The following PDE4D variants were observed in gnomAD, a reference collection of about 807,000 sequenced individuals.
The protein encoded by PDE4D is 3',5'-cyclic-AMP phosphodiesterase 4D.
Under a neutral mutation model 87.4 loss-of-function variants are expected in PDE4D, and 24 were observed. The ratio of observed to expected loss-of-function variants is 0.27; its 90% CI spans 0.20 to 0.39. The LOEUF is 0.39. Among genes scored for constraint, PDE4D ranks in the 10% least tolerant of loss-of-function variants. The pLI is 1.00. For synonymous variants in PDE4D, 384 were observed against 383.2 expected, an observed-to-expected ratio of 1.00 and a Z score of -0.02; for missense variants, 714 against 1,041.0, an observed-to-expected ratio of 0.69 and a Z score of 4.32.
At chr5:59,632,600 C>T (rs190378966) in intron 1 of PDE4D, among the ~76,000 whole-genome samples, 1 of 152,184 alleles carries the variant, frequency 6.6e-6, no homozygotes, top group Non-Finnish European at 1.5e-5. Flanking sequence ...CCCAGGCAAA[C>T]AGGGTGTGGA....
chr5:60,017,272 G>A (rs1468133270), intron 2 of PDE4D, among the ~76,000 whole-genome samples: 1 of 152,192 alleles, frequency 6.6e-6, no homozygotes, highest in African/African-American at 2.4e-5. Context: ...AGCACAAAGA[G>A]AGTAGATTTA....
At chr5:60,147,382 G>A (rs898859670) in intron 2 of PDE4D, among the ~76,000 whole-genome samples, 1 of 152,086 alleles carries the variant, frequency 6.6e-6, no homozygotes, top group Non-Finnish European at 1.5e-5. Context: ...AATGGGCCAC[G>A]CTGCATTCAT....
chr5:59,602,439 G>A (rs530400829), intron 1 of PDE4D, among the ~76,000 whole-genome samples: 1 of 152,050 alleles, frequency 6.6e-6, no homozygotes, highest in Admixed American at 6.6e-5. Context: ...ACAAAAATCA[G>A]TAGTGTTGAT....
chr5:60,029,368 C>A (rs182089071), intron 2 of PDE4D, among the ~76,000 whole-genome samples: 1 of 152,332 alleles, frequency 6.6e-6, no homozygotes, highest in Admixed American at 6.5e-5. Flanking sequence ...TTTAAAAAGG[C>A]TAATCAGAAA....
rs145379983 is a variant in PDE4D, at chr5:60,395,883, G to A, written c.-90+92059C>T. ...TGAGCCCCCTAACCAATATCACACC[G>A]CTTAAGCCTGCCCATTACCACCACC... On this transcript the variant is annotated intron_variant, in intron 1 of 16. Transcript: ENST00000502484. 2.3e-3 allele frequency among the ~76,000 whole-genome samples: 343 copies of A among 151,892 alleles called. 2 individuals carry two copies. Among genetic ancestry groups the A allele is most frequent in the African/African-American group, 8.0e-3 (330 of 41,402 alleles).
intron 1 of PDE4D, among the ~76,000 whole-genome samples, chr5:59,530,870 G>A (rs1238371954): frequency 6.6e-6 from 1 of 152,172 alleles, no homozygotes; most frequent in Non-Finnish European, 1.5e-5. Context: ...CCCTTTGAAG[G>A]GGTATAAGCT....
chr5:59,145,105 G>C (rs942008498), intron 5 of PDE4D, among the ~76,000 whole-genome samples: 1 of 152,138 alleles, frequency 6.6e-6, no homozygotes, highest in South Asian at 2.1e-4. Context: ...AGGTGTATTT[G>C]TTGAATGCTT....
chr5:59,509,879 G>T (rs1809974969), intron 1 of PDE4D, among the ~76,000 whole-genome samples: 1 of 145,940 alleles, frequency 6.9e-6, no homozygotes, highest in East Asian at 2.0e-4. Flanking sequence ...TAAAATATAG[G>T]TTTATATTAT....
intron 1 of PDE4D, among the ~76,000 whole-genome samples, chr5:59,523,593 A>C (rs1043220027): frequency 6.6e-6 from 1 of 152,230 alleles, no homozygotes; most frequent in African/African-American, 2.4e-5. Context: ...GTAGAAAAAA[A>C]AGCTGCCCCT....
At chr5:59,388,603 A>G (rs1422301711) in intron 1 of PDE4D, among the ~76,000 whole-genome samples, 1 of 135,432 alleles carries the variant, frequency 7.4e-6, no homozygotes, top group Non-Finnish European at 1.6e-5. Flanking sequence ...TTCATCAACA[A>G]TGAATGGATA....
chr5:59,138,556 G>A (rs527387230), intron 5 of PDE4D, among the ~76,000 whole-genome samples: 1 of 152,286 alleles, frequency 6.6e-6, no homozygotes, highest in South Asian at 2.1e-4. Flanking sequence ...CATTGTCTAA[G>A]ACTTCCTACA....
At chr5:60,107,308 G>T (rs1777087583) in intron 2 of PDE4D, among the ~76,000 whole-genome samples, 1 of 151,976 alleles carries the variant, frequency 6.6e-6, no homozygotes, top group Non-Finnish European at 1.5e-5. Flanking sequence ...ACTAAACCGG[G>T]AAGAAGTTGA....
intron 2 of PDE4D, among the ~76,000 whole-genome samples, chr5:59,205,992 T>C (rs961458699): frequency 5.3e-5 from 8 of 152,158 alleles, no homozygotes; most frequent in Non-Finnish European, 1.2e-4. Context: ...TGCTCTGAAG[T>C]TCCCTGCGTC....
In PDE4D at chr5:59,251,782, C is replaced by A. The variant is rs115468659; in HGVS notation, c.456-35814G>T. Among the ~76,000 whole-genome samples the A allele has an allele frequency of 3.1e-3, 469 of 152,150 alleles. 1 individual carries two copies. The highest frequency in any genetic ancestry group is 5.0e-3 in the Non-Finnish European group (338 of 67,988). Reference sequence around the variant, plus strand: ...TAACGACATGGAATCAACCTAGATACCCATCAGTCACAGATTAGACAAAGA... The same window carrying A: ...TAACGACATGGAATCAACCTAGATAACCATCAGTCACAGATTAGACAAAGA... On this transcript the variant is annotated intron_variant, in intron 1 of 14. Coordinates refer to ENST00000340635, the MANE Select transcript of PDE4D (RefSeq NM_001104631.2).
At position 59,250,450 on chromosome 5, in the gene PDE4D, G is replaced by T. The variant is rs72644097; in HGVS notation, c.456-34482C>A. 0.03 allele frequency among the ~76,000 whole-genome samples: 4,476 copies of T among 149,528 alleles called. 746 individuals carry two copies. The East Asian group carries it at 0.5, about 17-fold the overall frequency. ...CAAAGCTGCAATGAGCTGTGATTGA[G>T]CTACTGCACTCCAGCTTGGGTAACA... On this transcript the variant is annotated intron_variant, in intron 1 of 14. Coordinates refer to ENST00000340635, the MANE Select transcript of PDE4D (RefSeq NM_001104631.2).
chr5:60,337,376 T>TACACACAC (rs1561133934), intron 1 of PDE4D, among the ~76,000 whole-genome samples: 2 of 118,802 alleles, frequency 1.7e-5, no homozygotes, highest in African/African-American at 7.0e-5. Flanking sequence ...TATATATATA[T>TACACACAC]ATATATATAT....
At chr5:59,031,592 C>CA in intron 6 of PDE4D, among the ~76,000 whole-genome samples, 1 of 147,432 alleles carries the variant, frequency 6.8e-6, no homozygotes, top group East Asian at 2.0e-4. Flanking sequence ...CCTGTAGTCC[C>CA]AGCTACTCAG....
chr5:59,168,222 A>C (rs557542839), intron 5 of PDE4D, among the ~76,000 whole-genome samples: 5 of 152,340 alleles, frequency 3.3e-5, no homozygotes, highest in African/African-American at 1.2e-4. Context: ...CTAAGAGATG[A>C]TAATGGCATG....
chr5:59,008,649 A>C (rs142980443), intron 6 of PDE4D, among the ~76,000 whole-genome samples: 1 of 152,098 alleles, frequency 6.6e-6, no homozygotes, highest in African/African-American at 2.4e-5. Context: ...AAGAAAACAC[A>C]GTAGAAAGTA....
Sources: allele counts gnomAD v4.1 joint callset (sites outside exome capture counted in the v4.1 genomes callset), GRCh38; gene constraint gnomAD v4.1.1; transcripts MANE v1.5; gene names NCBI Gene and HGNC (gene_info 2026-07-23, HGNC 2026-07-21).